The following CDH13 variants were observed in gnomAD, a reference collection of about 807,000 sequenced individuals.
CDH13 encodes cadherin-13.
A neutral mutation model predicts 63.8 loss-of-function variants in CDH13; 24 were observed. That is an observed-to-expected ratio of 0.38 (90% CI 0.27 to 0.53). CDH13 has a LOEUF of 0.53. Ranked by LOEUF, CDH13 falls within the 20% of genes least tolerant of loss-of-function variation. The probability of loss-of-function intolerance (pLI) is 0.85; values close to 1 mark genes in which losing one functional copy is unlikely to be tolerated. For missense variants in CDH13, 1,049 were observed against 903.1 expected, an observed-to-expected ratio of 1.16 and a Z score of -2.07; for synonymous variants, 503 against 355.3, an observed-to-expected ratio of 1.42 and a Z score of -4.67.
At chr16:82,745,893 A>G (rs4293370) in intron 1 of CDH13, among the ~76,000 whole-genome samples, 37,614 of 151,990 alleles carry the variant, frequency 0.25, 5,612 homozygotes, top group South Asian at 0.38. Flanking sequence ...ATTTTTTAGA[A>G]CTAAGATTAC....
intron 8 of CDH13, among the ~76,000 whole-genome samples, chr16:83,669,558 T>C (rs1914318915): frequency 6.6e-6 from 1 of 152,128 alleles, no homozygotes; most frequent in Admixed American, 6.6e-5. Context: ...TCCATGCATG[T>C]TCTAAGAATT....
intron 2 of CDH13, among the ~76,000 whole-genome samples, chr16:82,976,405 C>A (rs144656056): frequency 6.6e-6 from 1 of 152,232 alleles, no homozygotes; most frequent in African/African-American, 2.4e-5. Context: ...TTCCTATGTC[C>A]TTTTTCTTCA....
At chr16:82,689,421 G>T (rs116414582) in intron 1 of CDH13, among the ~76,000 whole-genome samples, 1,881 of 152,228 alleles carry the variant, frequency 0.012, 44 homozygotes, top group African/African-American at 0.043. Context: ...ATCATAGTCA[G>T]TTTAGTAACC....
At chr16:83,391,612 C>A (rs1024336156) in intron 6 of CDH13, among the ~76,000 whole-genome samples, 1 of 152,100 alleles carries the variant, frequency 6.6e-6, no homozygotes, top group Non-Finnish European at 1.5e-5. Flanking sequence ...CTGGCGCAAC[C>A]CCCCTGGAAA....
chr16:83,064,496 G>C (rs1263248233), intron 3 of CDH13, among the ~76,000 whole-genome samples: 2 of 152,046 alleles, frequency 1.3e-5, no homozygotes, highest in Non-Finnish European at 2.9e-5. Flanking sequence ...TATTTAAAAA[G>C]TAAAAAGAAA....
intron 3 of CDH13, among the ~76,000 whole-genome samples, chr16:83,096,387 TC>T (rs2034193999): frequency 6.6e-6 from 1 of 152,154 alleles, no homozygotes. Flanking sequence ...ATATCTTAAT[TC>T]CCCTGTTCCT....
At chr16:82,859,048 C>T (rs997124951) in intron 2 of CDH13, 1 of 152,702 alleles carries the variant, frequency 6.5e-6, no homozygotes, top group African/African-American at 2.4e-5. Flanking sequence ...ATGCATCTTT[C>T]ATATCTGTGG....
At chr16:83,573,557 T>G (rs1356074303) in intron 7 of CDH13, among the ~76,000 whole-genome samples, 2 of 152,200 alleles carry the variant, frequency 1.3e-5, no homozygotes, top group Non-Finnish European at 2.9e-5. Flanking sequence ...AGTCCAGATA[T>G]AACCTTGGGA....
chr16:83,241,493 CTCTT>C (rs1161614605), intron 5 of CDH13, among the ~76,000 whole-genome samples: 2 of 152,292 alleles, frequency 1.3e-5, no homozygotes, highest in African/African-American at 2.4e-5. Context: ...TCAATACTTA[CTCTT>C]TCTGTTTACT....
intron 2 of CDH13, among the ~76,000 whole-genome samples, chr16:83,007,721 G>A (rs541173107): frequency 6.6e-6 from 1 of 151,976 alleles, no homozygotes; most frequent in Non-Finnish European, 1.5e-5. Flanking sequence ...TAACTTGGGA[G>A]GCTGAGATGG....
At chr16:83,125,652 G>A (rs532795605) in intron 4 of CDH13, among the ~76,000 whole-genome samples, 151 bp downstream of exon 4, 1 of 152,194 alleles carries the variant, frequency 6.6e-6, no homozygotes, top group East Asian at 1.9e-4. Context: ...AAAGAATGTT[G>A]GAAGATCATT....
At chr16:83,244,764 G>A (rs140981871) in intron 5 of CDH13, among the ~76,000 whole-genome samples, 1 of 152,126 alleles carries the variant, frequency 6.6e-6, no homozygotes, top group Non-Finnish European at 1.5e-5. Context: ...GGAGTCACAC[G>A]GGACACACTT....
chr16:82,698,916 A>G (rs897821071), intron 1 of CDH13, among the ~76,000 whole-genome samples: 3 of 151,838 alleles, frequency 2.0e-5, no homozygotes, highest in East Asian at 1.9e-4. Context: ...TCCTTTTCTT[A>G]TTATCCTTTT....
At chr16:82,702,368 T>C (rs764595308) in intron 1 of CDH13, among the ~76,000 whole-genome samples, 9 of 152,226 alleles carry the variant, frequency 5.9e-5, no homozygotes, top group Non-Finnish European at 1.3e-4. Context: ...AGGTTTCATA[T>C]GATCCCACCT....
chr16:82,732,975 G>T (rs1157671500), intron 1 of CDH13, among the ~76,000 whole-genome samples: 1 of 152,196 alleles, frequency 6.6e-6, no homozygotes, highest in Non-Finnish European at 1.5e-5. Flanking sequence ...GTGTCAGGCA[G>T]AAGAGATATC....
At position 83,623,977 on chromosome 16, in the gene CDH13, C is replaced by A. The variant is rs77455873; in HGVS notation, c.1101+21383C>A. 7.7e-3 allele frequency among the ~76,000 whole-genome samples: 1,173 copies of A among 152,316 alleles called. 17 individuals are homozygous for A. The highest frequency in any genetic ancestry group is 0.027 in the African/African-American group (1,112 of 41,570). Reference sequence around the variant, plus strand: ...TTAGGAACAGAAATCCACTTTCAACCAGCAGAAACGAATTTCCTGGAAGGC... The same window carrying A: ...TTAGGAACAGAAATCCACTTTCAACAAGCAGAAACGAATTTCCTGGAAGGC... On this transcript the variant is annotated intron_variant, in intron 8 of 13. Transcript: ENST00000567109.
In CDH13 at chr16:83,336,377, A is replaced by C. The variant is rs182785260; in HGVS notation, c.637-8485A>C. ...TGTTTGTGACTTATAGACGGGTTCC[A>C]ATAGAAGTTTCTGAAGAGGTATTCC... On this transcript the variant is annotated intron_variant, in intron 5 of 13. Coordinates refer to ENST00000567109, the MANE Select transcript of CDH13 (RefSeq NM_001257.5). 1.3e-3 allele frequency among the ~76,000 whole-genome samples: 193 copies of C among 152,174 alleles called. 1 individual carries two copies. The highest frequency in any genetic ancestry group is 3.4e-3 in the Middle Eastern group (1 of 294).
At chr16:83,613,600 G>A (rs1909039731) in intron 8 of CDH13, among the ~76,000 whole-genome samples, 2 of 152,110 alleles carry the variant, frequency 1.3e-5, no homozygotes, top group Admixed American at 1.3e-4. Flanking sequence ...TGGGAGACCG[G>A]TGGGCAGATC....
At chr16:83,571,564 A>G (rs1047609458) in intron 7 of CDH13, among the ~76,000 whole-genome samples, 2 of 152,060 alleles carry the variant, frequency 1.3e-5, no homozygotes, top group Non-Finnish European at 2.9e-5. Flanking sequence ...GGTAATGGTG[A>G]CCATACACTT....
Sources: gnomAD v4.1 joint callset for allele counts (sites outside exome capture counted in the v4.1 genomes callset) on GRCh38, gnomAD v4.1.1 for gene constraint, MANE v1.5 for transcripts, NCBI Gene and HGNC (gene_info 2026-07-23, HGNC 2026-07-21) for gene names.